Variants in TENM3 observed in about 807,000 individuals in gnomAD.
TENM3 encodes the protein teneurin transmembrane protein 3.
In TENM3, 63 loss-of-function variants were observed where a neutral mutation model predicts 255.1. The ratio of observed to expected loss-of-function variants is 0.25; its 90% CI spans 0.20 to 0.30. TENM3 has a LOEUF of 0.30. TENM3 is among the 10% of genes least tolerant of loss of function. The pLI is 1.00. For synonymous variants in TENM3, 1,306 were observed against 1,322.3 expected (o/e 0.99, Z 0.27); for missense variants, 2,929 against 3,461.1 (o/e 0.85, Z 3.86).
chr4:181,919,890 C>G, the TENM3 span, among the ~76,000 whole-genome samples: 1 of 118,922 alleles, frequency 8.4e-6, no homozygotes, highest in East Asian at 3.0e-4. Context: ...CCCCTCCCCC[C>G]ACCCCACAAC....
intron 3 of TENM3, among the ~76,000 whole-genome samples, chr4:182,357,886 AT>A (rs1765674583): frequency 1.3e-5 from 2 of 151,618 alleles, no homozygotes; most frequent in African/African-American, 4.9e-5. Flanking sequence ...TCTTGAATTG[AT>A]TTTTGTATAA....
At chr4:181,512,772 C>T in the TENM3 span, among the ~76,000 whole-genome samples, 51 of 152,262 alleles carry the variant, frequency 3.3e-4, no homozygotes, top group African/African-American at 1.1e-3. Context: ...ATTTTACTCT[C>T]CTATCATAGT....
chr4:182,626,591 A>G (rs1035810345), intron 4 of TENM3, among the ~76,000 whole-genome samples: 3 of 152,156 alleles, frequency 2.0e-5, no homozygotes, highest in Non-Finnish European at 4.4e-5. Context: ...GCAGCTATTT[A>G]TAGGTGAAGT....
chr4:182,094,069 G>A, the TENM3 span, among the ~76,000 whole-genome samples: 1 of 152,080 alleles, frequency 6.6e-6, no homozygotes, highest in Non-Finnish European at 1.5e-5. Flanking sequence ...ATAGTGGGCA[G>A]TGGAGTCAAC....
chr4:182,797,526 C>A (rs1766584311), intron 27 of TENM3, among the ~76,000 whole-genome samples: 1 of 152,158 alleles, frequency 6.6e-6, no homozygotes. Flanking sequence ...GCTCCACCTA[C>A]AACCAGGAAG....
the TENM3 span, among the ~76,000 whole-genome samples, chr4:181,657,955 A>ATTAT: frequency 6.6e-6 from 1 of 152,292 alleles, no homozygotes; most frequent in East Asian, 1.9e-4. Flanking sequence ...ATGGACATAA[A>ATTAT]GATGGGAGAA....
the TENM3 span, among the ~76,000 whole-genome samples, chr4:181,851,407 G>A: frequency 6.6e-6 from 1 of 152,100 alleles, no homozygotes; most frequent in Non-Finnish European, 1.5e-5. Flanking sequence ...GCTGCATCAG[G>A]ATAGACAAGG....
the TENM3 span, among the ~76,000 whole-genome samples, chr4:182,057,413 T>C: frequency 4.2e-5 from 6 of 142,712 alleles, no homozygotes; most frequent in African/African-American, 1.2e-4. Flanking sequence ...CTTTTCTTTT[T>C]TTTTTTTTTT....
At chr4:182,656,679 T>C (rs1753782181) in intron 6 of TENM3, among the ~76,000 whole-genome samples, 1 of 152,226 alleles carries the variant, frequency 6.6e-6, no homozygotes, top group Non-Finnish European at 1.5e-5. Flanking sequence ...GTGAAAAGCA[T>C]AGTGAGAAAA....
At chr4:182,701,514 C>T (rs1469756764) in intron 12 of TENM3, among the ~76,000 whole-genome samples, 2 of 151,994 alleles carry the variant, frequency 1.3e-5, no homozygotes, top group South Asian at 2.1e-4. Flanking sequence ...GCCACTGCAC[C>T]TGGCCCCAAC....
chr4:182,513,920 A>C (rs1362237664), intron 3 of TENM3, among the ~76,000 whole-genome samples: 1 of 152,204 alleles, frequency 6.6e-6, no homozygotes, highest in Non-Finnish European at 1.5e-5. Context: ...CCTCAGAGCC[A>C]ATTGAAAATA....
the TENM3 span, among the ~76,000 whole-genome samples, chr4:181,892,015 T>C: frequency 6.6e-6 from 1 of 152,188 alleles, no homozygotes; most frequent in Admixed American, 6.5e-5. Context: ...GGACATAGCA[T>C]TTGTCCAGGA....
intron 1 of TENM3, among the ~76,000 whole-genome samples, chr4:182,197,933 C>T (rs1157437676): frequency 6.6e-6 from 1 of 151,988 alleles, no homozygotes; most frequent in Non-Finnish European, 1.5e-5. Flanking sequence ...GGTGAACCTG[C>T]GTCTCTACTA....
intron 22 of TENM3, among the ~76,000 whole-genome samples, chr4:182,758,740 G>A (rs1436833720): frequency 6.6e-6 from 1 of 152,078 alleles, no homozygotes; most frequent in African/African-American, 2.4e-5. Context: ...TGACAGGTTT[G>A]ACAATGGCCA....
At chr4:181,766,441 G>A in the TENM3 span, among the ~76,000 whole-genome samples, 1 of 152,100 alleles carries the variant, frequency 6.6e-6, no homozygotes, top group Non-Finnish European at 1.5e-5. Flanking sequence ...CCCCCAGAAA[G>A]AGAAAGTGCA....
chr4:181,602,570 C>A, the TENM3 span, among the ~76,000 whole-genome samples: 1 of 152,190 alleles, frequency 6.6e-6, no homozygotes, highest in South Asian at 2.1e-4. Flanking sequence ...CTGTCAAAAG[C>A]CATCTTGTGT....
chr4:182,415,042 A>G (rs1363407681), intron 3 of TENM3, among the ~76,000 whole-genome samples: 1 of 152,222 alleles, frequency 6.6e-6, no homozygotes, highest in Non-Finnish European at 1.5e-5. Flanking sequence ...CACCTTGAAC[A>G]CTAATAGGTG....
At chr4:181,703,200 A>T in the TENM3 span, among the ~76,000 whole-genome samples, 2 of 152,146 alleles carry the variant, frequency 1.3e-5, no homozygotes, top group East Asian at 3.9e-4. Context: ...TTCTAAGTTA[A>T]CACACCACAC....
the TENM3 span, among the ~76,000 whole-genome samples, chr4:181,798,317 T>C: frequency 6.6e-6 from 1 of 152,056 alleles, no homozygotes; most frequent in African/African-American, 2.4e-5. Flanking sequence ...TATTTATTTA[T>C]TTATTTTTTG....
Sources: allele counts gnomAD v4.1 joint callset (sites outside exome capture counted in the v4.1 genomes callset), GRCh38; gene constraint gnomAD v4.1.1; transcripts MANE v1.5; gene names NCBI Gene and HGNC (gene_info 2026-07-23, HGNC 2026-07-21).